Variants in GALNT16 observed in about 807,000 individuals in gnomAD.
GALNT16 encodes the protein polypeptide N-acetylgalactosaminyltransferase 16.
Under a neutral mutation model 76.1 loss-of-function variants are expected in GALNT16, and 40 were observed. The observed-to-expected ratio is 0.53, with a 90% CI of 0.41 to 0.68. The LOEUF (loss-of-function observed/expected upper bound fraction) is 0.68, where lower values mean the gene tolerates loss of function less well. Ranked by LOEUF, GALNT16 falls within the 30% of genes least tolerant of loss-of-function variation. The probability of loss-of-function intolerance (pLI) is 0.00; values close to 1 mark genes in which losing one functional copy is unlikely to be tolerated. For synonymous variants in GALNT16, 276 were observed against 285.2 expected (o/e 0.97, Z 0.32); for missense variants, 621 against 731.9 (o/e 0.85, Z 1.75).
At chr14:69,338,566 A>G in intron 9 of GALNT16, 85 bp from the exon 10 acceptor site, 2 of 1,569,470 alleles carry the variant, frequency 1.3e-6, no homozygotes, top group Non-Finnish European at 1.7e-6. Flanking sequence ...CCAGTGAGAC[A>G]CCAAAGGGAA....
the GALNT16 span, among the ~76,000 whole-genome samples, chr14:69,384,491 T>G: frequency 6.6e-6 from 1 of 152,174 alleles, no homozygotes; most frequent in Admixed American, 6.5e-5. Context: ...CCAAGACAAG[T>G]AAAACATGAT....
At chr14:69,383,529 C>T in the GALNT16 span, among the ~76,000 whole-genome samples, 6 of 152,160 alleles carry the variant, frequency 3.9e-5, no homozygotes, top group African/African-American at 1.2e-4. Context: ...ACAAAAAGGA[C>T]ATAACCAAAG....
At chr14:69,347,770 A>G in intron 13 of GALNT16, 107 bp from the exon 14 acceptor site, 1 of 1,184,422 alleles carries the variant, frequency 8.4e-7, no homozygotes, top group East Asian at 2.3e-5. Context: ...AATTATTTGT[A>G]GAAATCTTAC....
At chr14:69,286,062 T>C (rs1199228096) in intron 1 of GALNT16, among the ~76,000 whole-genome samples, 3 of 152,134 alleles carry the variant, frequency 2.0e-5, no homozygotes, top group Non-Finnish European at 4.4e-5. Context: ...AACCAGCACC[T>C]GGCTGGCTTG....
chr14:69,300,223 C>T (rs1049625728), intron 1 of GALNT16, among the ~76,000 whole-genome samples: 5 of 151,892 alleles, frequency 3.3e-5, no homozygotes, highest in African/African-American at 7.2e-5. Flanking sequence ...GTGCTACACC[C>T]GCACACACAC....
intron 5 of GALNT16, among the ~76,000 whole-genome samples, chr14:69,326,872 G>A (rs867758840): frequency 1.3e-5 from 2 of 152,192 alleles, no homozygotes; most frequent in Non-Finnish European, 2.9e-5. Context: ...AGCAGCCATG[G>A]CTCCAACCTG....
At chr14:69,303,706 G>A (rs918105035) in intron 1 of GALNT16, among the ~76,000 whole-genome samples, 4 of 152,064 alleles carry the variant, frequency 2.6e-5, no homozygotes, top group African/African-American at 9.7e-5. Flanking sequence ...TTCCTGTCAA[G>A]GTCCGTAATT....
At chr14:69,374,966 AG>A in the GALNT16 span, among the ~76,000 whole-genome samples, 1 of 152,312 alleles carries the variant, frequency 6.6e-6, no homozygotes, top group South Asian at 2.1e-4. Context: ...TTTATTCATA[AG>A]GCTCATACCC....
chr14:69,333,624 G>T lies in GALNT16; in HGVS notation c.967+24G>T. 8.5e-7 allele frequency: 1 copy of T among 1,171,508 alleles called. No individual in the cohort carries two copies. Among genetic ancestry groups the T allele is most frequent in the Non-Finnish European group, 1.3e-6 (1 of 786,086 alleles). 72.6% of individuals were successfully genotyped at this position (1,171,508 alleles called of 1,614,324 possible). ...TGGTGAGTTGGGAAATAGTGACAGT[G>T]AAAATAACAGTAGCAGTAATAACCA... On this transcript the variant is annotated intron_variant, in intron 9 of 14. Coordinates refer to ENST00000448469, the MANE Select transcript of GALNT16 (RefSeq NM_001168368.2). This position sits in a 1 kb window ranked among gnomAD's most constrained non-coding sequence, Gnocchi z 4.2.
downstream of GALNT16, chr14:69,357,864 G>A (rs773222010): frequency 2.6e-5 from 4 of 152,634 alleles, no homozygotes; most frequent in South Asian, 2.1e-4. Context: ...CAAGTGATGC[G>A]TTTGCACATT....
chr14:69,321,548 T>C (rs572925581), intron 2 of GALNT16, among the ~76,000 whole-genome samples: 2 of 152,322 alleles, frequency 1.3e-5, no homozygotes, highest in South Asian at 2.1e-4. Flanking sequence ...TTCCTGATGC[T>C]GAAGCACCAC....
chr14:69,278,238 G>C (rs2044498808), intron 1 of GALNT16, among the ~76,000 whole-genome samples: 1 of 152,064 alleles, frequency 6.6e-6, no homozygotes, highest in Non-Finnish European at 1.5e-5. Flanking sequence ...TGAACTCCTA[G>C]GCTCAAGCAG....
At chr14:69,326,590 T>C (rs1467385395) in intron 5 of GALNT16, among the ~76,000 whole-genome samples, 1 of 152,070 alleles carries the variant, frequency 6.6e-6, no homozygotes, top group Non-Finnish European at 1.5e-5. Flanking sequence ...AAGGCTTCCA[T>C]GGAGGAATGG....
At chr14:69,287,741 CA>C (rs1273134030) in intron 1 of GALNT16, among the ~76,000 whole-genome samples, 11 of 152,210 alleles carry the variant, frequency 7.2e-5, no homozygotes, top group African/African-American at 2.7e-4. Context: ...TTCCTACCTG[CA>C]CTTTTTTCTC....
intron 1 of GALNT16, among the ~76,000 whole-genome samples, chr14:69,318,325 G>A (rs2045131083): frequency 6.6e-6 from 1 of 152,150 alleles, no homozygotes; most frequent in Non-Finnish European, 1.5e-5. Context: ...AGAGAGCCTG[G>A]GCCTGAGCAG....
intron 13 of GALNT16, 145 bp from the exon 14 acceptor site, chr14:69,347,732 A>G (rs949504022): frequency 4.9e-6 from 4 of 811,022 alleles, no homozygotes; most frequent in Non-Finnish European, 8.0e-6. Flanking sequence ...TATGCAGTGA[A>G]TACCCATACA....
At chr14:69,271,980 T>C (rs1304837235) in intron 1 of GALNT16, among the ~76,000 whole-genome samples, 1 of 152,232 alleles carries the variant, frequency 6.6e-6, no homozygotes, top group Non-Finnish European at 1.5e-5. Flanking sequence ...ATGTGGCTAC[T>C]AGAAAATTTT....
chr14:69,292,054 A>G (rs1296262505), intron 1 of GALNT16, among the ~76,000 whole-genome samples: 1 of 152,114 alleles, frequency 6.6e-6, no homozygotes, highest in African/African-American at 2.4e-5. Flanking sequence ...AGGAAAGGGG[A>G]CCTGTGGATG....
At chr14:69,313,519 C>G (rs2045057321) in intron 1 of GALNT16, among the ~76,000 whole-genome samples, 1 of 131,176 alleles carries the variant, frequency 7.6e-6, no homozygotes, top group African/African-American at 2.5e-5. Context: ...AAGCAGTGGG[C>G]CTCCCTCCAC....
Sources: allele counts gnomAD v4.1 joint callset (sites outside exome capture counted in the v4.1 genomes callset), GRCh38; gene constraint gnomAD v4.1.1; non-coding constraint Gnocchi (gnomAD v3.1); transcripts MANE v1.5; gene names NCBI Gene and HGNC (gene_info 2026-07-23, HGNC 2026-07-21).